The following LRRTM4 variants were observed in gnomAD, a reference collection of about 807,000 sequenced individuals.
The protein encoded by LRRTM4 is leucine-rich repeat transmembrane neuronal protein 4.
Under a neutral mutation model 47.6 loss-of-function variants are expected in LRRTM4, and 25 were observed. That is an observed-to-expected ratio of 0.53 (90% CI 0.38 to 0.73). The LOEUF is 0.73. Ranked by LOEUF, LRRTM4 falls within the 30% of genes least tolerant of loss-of-function variation. The pLI, the probability that LRRTM4 is intolerant of heterozygous loss-of-function variation, is 0.00. For missense variants in LRRTM4, 638 were observed against 713.4 expected, an observed-to-expected ratio of 0.89 and a Z score of 1.20; for synonymous variants, 311 against 269.5, an observed-to-expected ratio of 1.15 and a Z score of -1.51.
chr2:77,157,311 CAGTA>C (rs1377506521), intron 3 of LRRTM4, among the ~76,000 whole-genome samples: 1 of 152,066 alleles, frequency 6.6e-6, no homozygotes, highest in African/African-American at 2.4e-5. Context: ...ATCATCATAT[CAGTA>C]AGGTGTCAAA....
intron 3 of LRRTM4, among the ~76,000 whole-genome samples, chr2:77,047,829 T>C (rs993565794): frequency 6.6e-6 from 1 of 152,094 alleles, no homozygotes; most frequent in Non-Finnish European, 1.5e-5. Context: ...ACTTGGAAGA[T>C]AAACTATTAG....
chr2:77,149,861 C>T (rs1432218311), intron 3 of LRRTM4, among the ~76,000 whole-genome samples: 1 of 152,276 alleles, frequency 6.6e-6, no homozygotes, highest in Admixed American at 6.5e-5. Context: ...CACTCTCCCT[C>T]CTGCTCTGAT....
At chr2:77,130,824 ATTTT>A (rs768577274) in intron 3 of LRRTM4, among the ~76,000 whole-genome samples, 3 of 35,634 alleles carry the variant, frequency 8.4e-5, no homozygotes, top group East Asian at 1.1e-3. Context: ...TATTTGTTCT[ATTTT>A]TTTTTTTTTT....
intron 3 of LRRTM4, among the ~76,000 whole-genome samples, chr2:76,993,929 C>T (rs1211727431): frequency 6.6e-6 from 1 of 151,748 alleles, no homozygotes; most frequent in East Asian, 1.9e-4. Context: ...GCAGACATAA[C>T]ATAAAATGAA....
intron 3 of LRRTM4, among the ~76,000 whole-genome samples, chr2:76,874,955 A>C (rs554084890): frequency 1.6e-4 from 24 of 152,104 alleles, no homozygotes; most frequent in African/African-American, 5.5e-4. Context: ...AAATTTCTTT[A>C]TTTCTTATAC....
chr2:77,474,371 G>A (rs1276471618), intron 3 of LRRTM4, among the ~76,000 whole-genome samples: 1 of 151,494 alleles, frequency 6.6e-6, no homozygotes, highest in Non-Finnish European at 1.5e-5. Context: ...TTCCTTTGTT[G>A]ACTTAGACAT....
chr2:77,026,399 G>A (rs1486728945), intron 3 of LRRTM4, among the ~76,000 whole-genome samples: 1 of 152,098 alleles, frequency 6.6e-6, no homozygotes, highest in Admixed American at 6.5e-5. Context: ...CATGCTGCCA[G>A]ATCCTAAATG....
intron 3 of LRRTM4, among the ~76,000 whole-genome samples, chr2:77,334,396 TG>T (rs1283783902): frequency 1.3e-5 from 2 of 152,156 alleles, no homozygotes; most frequent in African/African-American, 2.4e-5. Context: ...CCACATTTCA[TG>T]GGAGGAACTA....
chr2:76,830,975 T>C (rs1671334204), intron 3 of LRRTM4, among the ~76,000 whole-genome samples: 1 of 152,108 alleles, frequency 6.6e-6, no homozygotes. Context: ...TTTCTGTGGT[T>C]ACAACTTAGC....
At chr2:77,005,104 G>C (rs183535189) in intron 3 of LRRTM4, among the ~76,000 whole-genome samples, 5 of 152,096 alleles carry the variant, frequency 3.3e-5, no homozygotes, top group Admixed American at 3.3e-4. Flanking sequence ...GCTGGAGTTA[G>C]TTAAGACTTT....
At chr2:77,374,523 T>A (rs541371951) in intron 3 of LRRTM4, among the ~76,000 whole-genome samples, 1 of 151,972 alleles carries the variant, frequency 6.6e-6, no homozygotes, top group East Asian at 1.9e-4. Context: ...TGCATAGATT[T>A]TCATCATCTC....
intron 3 of LRRTM4, among the ~76,000 whole-genome samples, chr2:76,804,115 C>T (rs1675842110): frequency 1.3e-5 from 2 of 152,100 alleles, no homozygotes; most frequent in South Asian, 4.1e-4. Flanking sequence ...CATTTTGCTG[C>T]AGTAAGTTGG....
At chr2:77,311,681 G>A (rs888283847) in intron 3 of LRRTM4, among the ~76,000 whole-genome samples, 4 of 152,168 alleles carry the variant, frequency 2.6e-5, no homozygotes, top group African/African-American at 9.6e-5. Flanking sequence ...AAAGCCCATA[G>A]TGAGCTACTG....
At chr2:76,783,252 G>A (rs572084263) in intron 3 of LRRTM4, among the ~76,000 whole-genome samples, 16 of 152,114 alleles carry the variant, frequency 1.1e-4, no homozygotes, top group African/African-American at 2.4e-4. Context: ...ATCAGGTTAC[G>A]TTGGTGATAT....
At chr2:76,911,691 A>G (rs1674061211) in intron 3 of LRRTM4, among the ~76,000 whole-genome samples, 1 of 152,234 alleles carries the variant, frequency 6.6e-6, no homozygotes, top group South Asian at 2.1e-4. Context: ...GGAAGGATGG[A>G]GAGGAAGAGA....
chr2:77,029,582 C>T (rs557555551), intron 3 of LRRTM4, among the ~76,000 whole-genome samples: 1 of 152,268 alleles, frequency 6.6e-6, no homozygotes, highest in Admixed American at 6.5e-5. Flanking sequence ...CTCAGAGACA[C>T]ACTCAGGAAC....
chr2:76,850,823 T>G (rs1224516023), intron 3 of LRRTM4, among the ~76,000 whole-genome samples: 1 of 152,194 alleles, frequency 6.6e-6, no homozygotes, highest in East Asian at 1.9e-4. Flanking sequence ...ATAAGATTTG[T>G]GAATCCTTAA....
chr2:77,123,755 A>G (rs972324867), intron 3 of LRRTM4, among the ~76,000 whole-genome samples: 36 of 152,104 alleles, frequency 2.4e-4, no homozygotes, highest in African/African-American at 8.4e-4. Context: ...TGGCACTACA[A>G]ATGATTTCCA....
chr2:77,322,225 G>C (rs74845157), intron 3 of LRRTM4, among the ~76,000 whole-genome samples: 1 of 152,100 alleles, frequency 6.6e-6, no homozygotes, highest in Non-Finnish European at 1.5e-5. Context: ...GATGGTTTGG[G>C]AGATGGGTAG....
Sources: gnomAD v4.1 joint callset for allele counts (sites outside exome capture counted in the v4.1 genomes callset) on GRCh38, gnomAD v4.1.1 for gene constraint, MANE v1.5 for transcripts, NCBI Gene and HGNC (gene_info 2026-07-23, HGNC 2026-07-21) for gene names.